CLIC6: variants seen among roughly 807,000 people sequenced by gnomAD.
CLIC6 encodes CLIC family member 6.
In CLIC6, 39 loss-of-function variants were observed where a neutral mutation model predicts 49.2. That is an observed-to-expected ratio of 0.79 (90% CI 0.61 to 1.04). CLIC6 has a LOEUF of 1.04. Among genes scored for constraint, CLIC6 ranks in the 50% least tolerant of loss-of-function variants. The probability of loss-of-function intolerance (pLI) is 0.00; values close to 1 mark genes in which losing one functional copy is unlikely to be tolerated. For missense variants in CLIC6, 988 were observed against 993.1 expected (o/e 0.99, Z 0.07); for synonymous variants, 446 against 433.4 (o/e 1.03, Z -0.36).
chr21:34,675,524 A>T (rs1474178107), intron 1 of CLIC6, among the ~76,000 whole-genome samples: 2 of 152,034 alleles, frequency 1.3e-5, no homozygotes, highest in East Asian at 1.9e-4. Flanking sequence ...CTAAAAACAA[A>T]TTTTTTGTAA....
chr21:34,707,214 T>C (rs1425602225), intron 1 of CLIC6, 66 bp from the exon 2 acceptor site: 29 of 1,147,598 alleles, frequency 2.5e-5, no homozygotes, highest in Non-Finnish European at 3.7e-5. Flanking sequence ...TGCATGTGCA[T>C]GTTGTGGTGT....
chr21:34,690,676 C>CA (rs1393653801), intron 1 of CLIC6, among the ~76,000 whole-genome samples: 1 of 152,078 alleles, frequency 6.6e-6, no homozygotes, highest in African/African-American at 2.4e-5. Context: ...GTTTCCTGGT[C>CA]ACTGAGCACA....
intron 1 of CLIC6, among the ~76,000 whole-genome samples, chr21:34,677,480 A>G (rs1041000583): frequency 7.2e-5 from 11 of 152,170 alleles, no homozygotes; most frequent in African/African-American, 2.7e-4. Flanking sequence ...TCAGAAATAT[A>G]TTTTTCTCAT....
chr21:34,670,369 C>T lies in CLIC6; in HGVS notation c.981C>T (p.Ala327=), dbSNP rs752955207. Residue 327 remains alanine, a synonymous_variant, in exon 1 of 6, where the codon GCC becomes GCT. Transcript: ENST00000349499. Reference sequence around the variant, plus strand: ...CGGGGCGCAGCCCCGGTGAGCTCGCCTGGGACGCAGCGGAGGAGGCGGAGG... The same window carrying T: ...CGGGGCGCAGCCCCGGTGAGCTCGCTTGGGACGCAGCGGAGGAGGCGGAGG... ...ESAGRSPGEL[A]WDAAEEAEVP... The T allele has an allele frequency of 2.8e-6, 4 of 1,454,022 alleles. No individual in the cohort carries two copies. The East Asian group carries it at 1.0e-4, about 38-fold the overall frequency. 90.1% of individuals were successfully genotyped at this position (1,454,022 alleles called of 1,614,324 possible).
At position 34,670,556 on chromosome 21, in the gene CLIC6, G is replaced by A; in HGVS notation, c.1168G>A (p.Glu390Lys). 6.7e-7 allele frequency: 1 copy of A among 1,501,480 alleles called. No homozygotes were observed. The highest frequency in any genetic ancestry group is 8.9e-7 in the Non-Finnish European group (1 of 1,126,072). The allele number at this position is 1,501,480 out of a possible 1,614,324, so 93.0% of individuals were successfully genotyped here. A position where few individuals can be genotyped will look rare whatever the true frequency, so the allele number is the denominator to read the frequency against. ...GPREEEAAGG[E>K]EESPDSSPHG... ...AAGGGAGGAGGAAGCAGCGGGGGGCGAAGAGGAATCCCCCGACAGCAGCCC... is the reference window on the plus strand; with the variant it reads ...AAGGGAGGAGGAAGCAGCGGGGGGCAAAGAGGAATCCCCCGACAGCAGCCC... The change falls in exon 1 of 6, where the codon GAA becomes AAA. Residue 390 changes from glutamate to lysine, a missense_variant. Physicochemically the swap from Glu to Lys is moderately conservative, Grantham distance 56 (BLOSUM62 1). Transcript: ENST00000349499.
rs945742264 is a variant in CLIC6, at chr21:34,716,995, C to G, written c.*513C>G. On this transcript the variant is annotated 3_prime_UTR_variant, in exon 6 of 6. Transcript: ENST00000349499. ...TGGATGATCATACACAGAGGACTTA[C>G]ACCATACAAAAATATTGGGCACCGC... 15 of 152,448 alleles carry G rather than the reference C, an allele frequency of 9.8e-5. No individual in the cohort carries two copies. The highest frequency in any genetic ancestry group is 3.6e-4 in the African/African-American group (15 of 41,518). The allele number at this position is 152,448 out of a possible 1,614,324, so 9.4% of individuals were successfully genotyped here. A position where few individuals can be genotyped will look rare whatever the true frequency, so the allele number is the denominator to read the frequency against.
intron 5 of CLIC6, among the ~76,000 whole-genome samples, chr21:34,709,840 G>A (rs994147685): frequency 3.3e-5 from 5 of 152,160 alleles, no homozygotes; most frequent in African/African-American, 9.7e-5. Context: ...GATTATACCT[G>A]GTGTTAGCAA....
intron 4 of CLIC6, 57 bp from the exon 5 acceptor site, chr21:34,709,300 G>A: frequency 6.7e-7 from 1 of 1,501,308 alleles, no homozygotes; most frequent in Non-Finnish European, 9.2e-7. Flanking sequence ...CACAGCTGGT[G>A]AAAAGTGACA....
At chr21:34,699,564 C>CTAT (rs1990150387) in intron 1 of CLIC6, among the ~76,000 whole-genome samples, 1 of 152,032 alleles carries the variant, frequency 6.6e-6, no homozygotes, top group Admixed American at 6.6e-5. Context: ...CACACCTGAC[C>CTAT]TATTATCTGT....
At chr21:34,712,977 G>A (rs1026520039) in intron 5 of CLIC6, among the ~76,000 whole-genome samples, 1 of 152,170 alleles carries the variant, frequency 6.6e-6, no homozygotes, top group Non-Finnish European at 1.5e-5. Flanking sequence ...AGGTGCTTGG[G>A]AGCAAATATT....
In CLIC6 at chr21:34,671,121, T is replaced by TAA. The variant is rs58413747; in HGVS notation, c.1374+379_1374+380dup. On this transcript the variant is annotated intron_variant, in intron 1 of 5. Transcript: ENST00000349499. ...GTTATTAACGAATTAACTAAAAAGT[T>TAA]AAAAAAAAAAAAAAAAAAAAAGAAG... Among the ~76,000 whole-genome samples the TAA allele has an allele frequency of 1.5e-3, 172 of 115,852 alleles. No homozygotes were observed. The Middle Eastern group carries it at 0.023, about 16-fold the overall frequency. The allele number at this position is 115,852 out of a possible 152,430, so 76.0% of individuals were successfully genotyped here. A position where few individuals can be genotyped will look rare whatever the true frequency, so the allele number is the denominator to read the frequency against.
At chr21:34,691,527 CT>C (rs1244310211) in intron 1 of CLIC6, among the ~76,000 whole-genome samples, 1 of 149,650 alleles carries the variant, frequency 6.7e-6, no homozygotes, top group Non-Finnish European at 1.5e-5. Flanking sequence ...GTAATACAGG[CT>C]TTCCTTTCAA....
rs554541361 is a variant in CLIC6 at position 34,670,051 on chromosome 21, C to T, written c.663C>T (p.Asp221=). 1 of 1,086,014 alleles carries T rather than the reference C, an allele frequency of 9.2e-7. No homozygotes were observed. The highest frequency in any genetic ancestry group is 1.1e-6 in the Non-Finnish European group (1 of 904,518). The allele number at this position is 1,086,014 out of a possible 1,614,324, so 67.3% of individuals were successfully genotyped here. A position where few individuals can be genotyped will look rare whatever the true frequency, so the allele number is the denominator to read the frequency against. The change falls in exon 1 of 6, where the codon GAC becomes GAT. Residue 221 remains aspartate, a synonymous_variant. Transcript: ENST00000349499. ...AGGGCCCGGCGGGGGACAGCGTAGA[C>T]GCGGAGGGCCGGGTGGGGGACAGCG... ...QAEGPAGDSV[D]AEGRVGDSVD...
intron 1 of CLIC6, among the ~76,000 whole-genome samples, chr21:34,695,124 C>T (rs993991973): frequency 6.6e-6 from 1 of 152,234 alleles, no homozygotes; most frequent in African/African-American, 2.4e-5. Context: ...AATCAAGGCA[C>T]TAGCAGGGCT....
chr21:34,685,640 G>T (rs1989862893), intron 1 of CLIC6, among the ~76,000 whole-genome samples: 1 of 152,200 alleles, frequency 6.6e-6, no homozygotes, highest in Admixed American at 6.5e-5. Context: ...CGGCTTCTCT[G>T]TGTCATGTAA....
Position 34,669,696 on chromosome 21 carries a change from G to A in CLIC6, c.308G>A (p.Ser103Asn). ...GTGCCCCAAGGAGGGGAGGAGACAAGCGGCGCGCAGCAGGTGGAGGGGGCG... is the reference window on the plus strand; with the variant it reads ...GTGCCCCAAGGAGGGGAGGAGACAAACGGCGCGCAGCAGGTGGAGGGGGCG... ...AEVPQGGEET[S>N]GAQQVEGASP... Residue 103 changes from serine (S) to asparagine (N), a missense_variant, in exon 1 of 6, where the codon AGC (serine) becomes AAC (asparagine). Ser to Asn is a conservative substitution (Grantham distance 46). This residue lies in a region of CLIC6 where 284 missense variants were observed against 278.6 expected (regional missense o/e 1.02). Coordinates refer to ENST00000349499, the MANE Select transcript of CLIC6 (RefSeq NM_053277.3). The A allele has an allele frequency of 1.5e-6, 2 of 1,365,584 alleles. No homozygotes were observed. The highest frequency in any genetic ancestry group is 1.5e-5 in the African/African-American group (1 of 65,066). 84.6% of individuals were successfully genotyped at this position (1,365,584 alleles called of 1,614,324 possible).
chr21:34,676,496 C>T (rs1231454746), intron 1 of CLIC6, among the ~76,000 whole-genome samples: 1 of 152,194 alleles, frequency 6.6e-6, no homozygotes, highest in Non-Finnish European at 1.5e-5. Flanking sequence ...GTAGCATCTC[C>T]ACTGGGCTGC....
chr21:34,699,034 G>A (rs1174401460), intron 1 of CLIC6, among the ~76,000 whole-genome samples: 2 of 152,200 alleles, frequency 1.3e-5, no homozygotes, highest in African/African-American at 2.4e-5. Context: ...GAGAGCGAGA[G>A]AGAGAGCGCA....
intron 1 of CLIC6, among the ~76,000 whole-genome samples, chr21:34,698,327 A>G (rs534111017): frequency 6.6e-6 from 1 of 152,222 alleles, no homozygotes; most frequent in African/African-American, 2.4e-5. Flanking sequence ...TGTCACCTAC[A>G]GGAAACAATT....
Sources: allele counts gnomAD v4.1 joint callset (sites outside exome capture counted in the v4.1 genomes callset), GRCh38; gene constraint gnomAD v4.1.1; regional missense constraint gnomAD v4.1.1; transcripts MANE v1.5; gene names NCBI Gene and HGNC (gene_info 2026-07-23, HGNC 2026-07-21).